XKR4: variants seen among roughly 807,000 people sequenced by gnomAD.
The protein encoded by XKR4 is XK-related protein 4.
XKR4 carries 12 observed loss-of-function variants against 53.9 expected under a neutral mutation model. The ratio of observed to expected loss-of-function variants is 0.22; its 90% CI spans 0.14 to 0.36. The LOEUF (loss-of-function observed/expected upper bound fraction) is 0.36, where lower values mean the gene tolerates loss of function less well. Among genes scored for constraint, XKR4 ranks in the 10% least tolerant of loss-of-function variants. The probability of loss-of-function intolerance (pLI) is 1.00; values close to 1 mark genes in which losing one functional copy is unlikely to be tolerated. For missense variants in XKR4, 799 were observed against 859.5 expected (o/e 0.93, Z 0.88); for synonymous variants, 354 against 362.4 (o/e 0.98, Z 0.26).
intron 1 of XKR4, among the ~76,000 whole-genome samples, chr8:55,144,028 A>G (rs917654326): frequency 8.5e-5 from 13 of 152,090 alleles, no homozygotes; most frequent in African/African-American, 2.4e-4. Flanking sequence ...TCAAATCCTC[A>G]TTACTTCAGA....
At chr8:55,454,615 C>T (rs1328105912) in intron 2 of XKR4, 3 of 1,285,356 alleles carry the variant, frequency 2.3e-6, no homozygotes, top group Non-Finnish European at 2.2e-6. Flanking sequence ...ATAAATCGTC[C>T]TCTACTAGCC....
At chr8:55,203,146 A>T (rs182447744) in intron 1 of XKR4, among the ~76,000 whole-genome samples, 1 of 152,360 alleles carries the variant, frequency 6.6e-6, no homozygotes, top group East Asian at 1.9e-4. Context: ...GCCCAGCACA[A>T]CTGGCACCAG....
chr8:55,173,907 A>G (rs952025811), intron 1 of XKR4, among the ~76,000 whole-genome samples: 10 of 152,224 alleles, frequency 6.6e-5, no homozygotes, highest in African/African-American at 2.4e-4. Flanking sequence ...CAAATTTTGC[A>G]TGAAGTATTT....
At chr8:55,281,439 G>C (rs921977018) in intron 1 of XKR4, among the ~76,000 whole-genome samples, 1 of 152,180 alleles carries the variant, frequency 6.6e-6, no homozygotes, top group East Asian at 1.9e-4. Context: ...CATAGGGAGA[G>C]GGAAGAGGAG....
chr8:55,361,307 G>A (rs1401388976), intron 2 of XKR4, among the ~76,000 whole-genome samples: 1 of 152,118 alleles, frequency 6.6e-6, no homozygotes, highest in Non-Finnish European at 1.5e-5. Flanking sequence ...AGGGCAGGCA[G>A]GAAGGAAAGT....
At chr8:55,407,879 T>C (rs1003627539) in intron 2 of XKR4, among the ~76,000 whole-genome samples, 1 of 152,222 alleles carries the variant, frequency 6.6e-6, no homozygotes, top group Non-Finnish European at 1.5e-5. Context: ...CATTCTTTCA[T>C]GGGAGACAAA....
chr8:55,245,048 C>A (rs1005919084), intron 1 of XKR4, among the ~76,000 whole-genome samples: 1 of 151,948 alleles, frequency 6.6e-6, no homozygotes, highest in Non-Finnish European at 1.5e-5. Context: ...ATTATAGGCA[C>A]CTGCCACCAT....
At chr8:55,504,376 C>T (rs531984586) in intron 2 of XKR4, among the ~76,000 whole-genome samples, 89 of 148,960 alleles carry the variant, frequency 6.0e-4, no homozygotes, top group Admixed American at 3.4e-3. Flanking sequence ...CCACACCTGG[C>T]TAATTTTTTT....
At chr8:55,370,286 G>A (rs1804053532) in intron 2 of XKR4, among the ~76,000 whole-genome samples, 1 of 152,156 alleles carries the variant, frequency 6.6e-6, no homozygotes, top group African/African-American at 2.4e-5. Flanking sequence ...GGTCAATAAA[G>A]GTGACAAAGG....
intron 2 of XKR4, among the ~76,000 whole-genome samples, chr8:55,457,243 C>T (rs998459078): frequency 1.3e-5 from 2 of 150,292 alleles, no homozygotes; most frequent in Non-Finnish European, 2.9e-5. Flanking sequence ...CGCAGGTTCA[C>T]GCCATTCTCC....
chr8:55,360,161 T>C (rs1803879103), intron 2 of XKR4, among the ~76,000 whole-genome samples: 1 of 152,250 alleles, frequency 6.6e-6, no homozygotes, highest in South Asian at 2.1e-4. Flanking sequence ...TTATTGCTAC[T>C]GATTTTTTAA....
chr8:55,485,487 T>A (rs1479479444), intron 2 of XKR4, among the ~76,000 whole-genome samples: 1 of 152,232 alleles, frequency 6.6e-6, no homozygotes, highest in East Asian at 1.9e-4. Flanking sequence ...GACTCTGAAA[T>A]GTAAAATATA....
intron 2 of XKR4, among the ~76,000 whole-genome samples, chr8:55,377,955 C>T (rs895751261): frequency 1.3e-5 from 2 of 152,272 alleles, no homozygotes; most frequent in South Asian, 2.1e-4. Context: ...AGATTGTGTG[C>T]GCGTAATACC....
At position 55,131,970 on chromosome 8, in the gene XKR4, GC is replaced by G. The variant is rs1378659053; in HGVS notation, c.806+28679del. Among the ~76,000 whole-genome samples the G allele has an allele frequency of 2.6e-5, 4 of 152,274 alleles. No individual in the cohort carries two copies. The East Asian group carries it at 7.7e-4, about 29-fold the overall frequency. On this transcript the variant is annotated intron_variant, in intron 1 of 2. Coordinates refer to ENST00000327381, the MANE Select transcript of XKR4 (RefSeq NM_052898.2). ...CTGGGGATAAAATGATCAGATGTCT[GC>G]CCTAGAGGAGCAGTTTCATATGGCA...
At chr8:55,333,553 C>G (rs1410224693) in intron 1 of XKR4, among the ~76,000 whole-genome samples, 2 of 152,098 alleles carry the variant, frequency 1.3e-5, no homozygotes, top group Non-Finnish European at 2.9e-5. Flanking sequence ...ATGACCTTAG[C>G]TGTTCTATTG....
intron 2 of XKR4, among the ~76,000 whole-genome samples, chr8:55,503,865 GGTA>G (rs1806482814): frequency 6.6e-6 from 1 of 151,708 alleles, no homozygotes; most frequent in Non-Finnish European, 1.5e-5. Flanking sequence ...ATTATGATGA[GGTA>G]GTTTCCTTCT....
chr8:55,464,334 A>G (rs1479429580), intron 2 of XKR4, among the ~76,000 whole-genome samples: 2 of 152,182 alleles, frequency 1.3e-5, no homozygotes, highest in African/African-American at 4.8e-5. Context: ...ACACAAATCA[A>G]TAAACGTAAT....
In XKR4 at chr8:55,454,635, G is replaced by T. The variant is rs1442839994; in HGVS notation, c.1007-68646G>T. On this transcript the variant is annotated intron_variant, in intron 2 of 2. Coordinates refer to ENST00000327381, the MANE Select transcript of XKR4 (RefSeq NM_052898.2). Reference sequence around the variant, plus strand: ...TCGTCCTCTACTAGCCCCCAGCCAGGGGCACGGTGCACGTCAGCAGGTTCC... The same window carrying T: ...TCGTCCTCTACTAGCCCCCAGCCAGTGGCACGGTGCACGTCAGCAGGTTCC... The T allele has an allele frequency of 4.4e-6, 5 of 1,139,098 alleles. No homozygotes were observed. In the African/African-American group the frequency reaches 6.0e-5, roughly 14 times the overall value. 70.6% of individuals were successfully genotyped at this position (1,139,098 alleles called of 1,614,324 possible). A position where few individuals can be genotyped will look rare whatever the true frequency, so the allele number is the denominator to read the frequency against.
At chr8:55,148,242 TA>T (rs1346080050) in intron 1 of XKR4, among the ~76,000 whole-genome samples, 1 of 152,074 alleles carries the variant, frequency 6.6e-6, no homozygotes, top group Non-Finnish European at 1.5e-5. Context: ...CCGTCTCTAC[TA>T]AAAATACAAA....
Sources: allele counts gnomAD v4.1 joint callset (sites outside exome capture counted in the v4.1 genomes callset), GRCh38; gene constraint gnomAD v4.1.1; transcripts MANE v1.5; gene names NCBI Gene and HGNC (gene_info 2026-07-23, HGNC 2026-07-21).